Variants in SLC4A4 observed in about 807,000 individuals in gnomAD.
SLC4A4 encodes electrogenic sodium bicarbonate cotransporter 1.
In SLC4A4, 27 loss-of-function variants were observed where a neutral mutation model predicts 111.5. The observed-to-expected ratio is 0.24, with a 90% CI of 0.18 to 0.33. SLC4A4 has a LOEUF of 0.33. Among genes scored for constraint, SLC4A4 ranks in the 10% least tolerant of loss-of-function variants. SLC4A4 has a pLI of 1.00. For synonymous variants in SLC4A4, 443 were observed against 463.4 expected (o/e 0.96, Z 0.57); for missense variants, 909 against 1,315.5 (o/e 0.69, Z 4.78).
At chr4:71,178,766 AC>A in intron 2 of SLC4A4, among the ~76,000 whole-genome samples, 1 of 152,216 alleles carries the variant, frequency 6.6e-6, no homozygotes, top group African/African-American at 2.4e-5. Context: ...GCCAAATTCT[AC>A]CAGAGGTACA....
intron 3 of SLC4A4, among the ~76,000 whole-genome samples, chr4:71,321,400 G>A (rs533338486): frequency 6.6e-6 from 1 of 152,090 alleles, no homozygotes; most frequent in Admixed American, 6.6e-5. Flanking sequence ...TCATTCATAT[G>A]CCATTTCTCA....
intron 6 of SLC4A4, among the ~76,000 whole-genome samples, chr4:71,387,717 C>T (rs1718881691): frequency 6.6e-6 from 1 of 152,130 alleles, no homozygotes; most frequent in South Asian, 2.1e-4. Flanking sequence ...TGGGCTCAAA[C>T]TCCTGACCTC....
At chr4:71,177,017 C>G (rs1354418751) in intron 2 of SLC4A4, among the ~76,000 whole-genome samples, 1 of 152,106 alleles carries the variant, frequency 6.6e-6, no homozygotes, top group Middle Eastern at 3.2e-3. Flanking sequence ...GAGTGGGGGC[C>G]AATATTCAAC....
intron 6 of SLC4A4, among the ~76,000 whole-genome samples, chr4:71,384,315 G>A (rs1384509911): frequency 1.3e-5 from 2 of 152,170 alleles, no homozygotes; most frequent in Non-Finnish European, 2.9e-5. Context: ...TTGGTCTACA[G>A]TGTCTTCAGG....
At chr4:71,082,699 A>G (rs1158415331) in intron 1 of SLC4A4, among the ~76,000 whole-genome samples, 2 of 151,922 alleles carry the variant, frequency 1.3e-5, no homozygotes, top group Non-Finnish European at 2.9e-5. Flanking sequence ...TTTGCTTCAG[A>G]TTTTTTGAAA....
intron 1 of SLC4A4, among the ~76,000 whole-genome samples, chr4:71,195,536 G>GT (rs1560772784): frequency 6.2e-4 from 95 of 152,220 alleles, no homozygotes; most frequent in African/African-American, 2.2e-3. Context: ...AATACAAGGG[G>GT]TAGTTATGGT....
chr4:71,465,126 G>T (rs1727193045), intron 12 of SLC4A4, among the ~76,000 whole-genome samples: 1 of 151,820 alleles, frequency 6.6e-6, no homozygotes, highest in African/African-American at 2.4e-5. Context: ...CAGTCAAGGG[G>T]TCATTTCAAT....
intron 1 of SLC4A4, among the ~76,000 whole-genome samples, chr4:71,086,800 G>A (rs1200254652): frequency 1.3e-5 from 2 of 151,980 alleles, no homozygotes; most frequent in South Asian, 2.1e-4. Flanking sequence ...TGCTGGATTC[G>A]GTTTGCCAGT....
chr4:71,203,384 T>C (rs1400834014), intron 1 of SLC4A4, among the ~76,000 whole-genome samples: 1 of 152,088 alleles, frequency 6.6e-6, no homozygotes, highest in East Asian at 1.9e-4. Flanking sequence ...GATAGTGAAG[T>C]AAAAATAATA....
At chr4:71,241,034 G>A (rs1397794016) in intron 2 of SLC4A4, among the ~76,000 whole-genome samples, 2 of 152,030 alleles carry the variant, frequency 1.3e-5, no homozygotes, top group African/African-American at 4.8e-5. Flanking sequence ...TGGGAGAATC[G>A]TTTGAGCCCA....
rs1172627185 is a variant in SLC4A4, at chr4:71,111,534, T to TTTTTGTTTTTCG, written c.-2+18746_-2+18747insGTTTTTCGTTTT. ...TGCCACCACGCTCAGGTTTTTTTTT[T>TTTTTGTTTTTCG]TTTTTTTTTTTTTTTTTTGTATTTT... On this transcript the variant is annotated intron_variant, in intron 2 of 26. Transcript: ENST00000649996. Among the ~76,000 whole-genome samples the TTTTTGTTTTTCG allele has an allele frequency of 9.9e-3, 1,335 of 135,322 alleles. 35 individuals are homozygous for TTTTTGTTTTTCG. Among genetic ancestry groups the TTTTTGTTTTTCG allele is most frequent in the African/African-American group, 0.036 (1,256 of 35,056 alleles). 88.8% of individuals were successfully genotyped at this position (135,322 alleles called of 152,430 possible). A position where few individuals can be genotyped will look rare whatever the true frequency, so the allele number is the denominator to read the frequency against.
At chr4:71,085,720 T>A (rs964201989) in intron 1 of SLC4A4, among the ~76,000 whole-genome samples, 1 of 152,024 alleles carries the variant, frequency 6.6e-6, no homozygotes, top group African/African-American at 2.4e-5. Flanking sequence ...AGTTGTAGAT[T>A]TGCGGCATTA....
chr4:71,534,586 GAA>G (rs71673479), intron 18 of SLC4A4, among the ~76,000 whole-genome samples, 198 bp downstream of exon 18: 61 of 139,412 alleles, frequency 4.4e-4, no homozygotes, highest in African/African-American at 1.3e-3. Flanking sequence ...ATTTAAATCT[GAA>G]AAAAAAAAAA....
At chr4:71,190,550 C>A (rs551054723) in intron 1 of SLC4A4, among the ~76,000 whole-genome samples, 16 of 152,242 alleles carry the variant, frequency 1.1e-4, no homozygotes, top group African/African-American at 3.9e-4. Context: ...AGTGCAATGA[C>A]ATTTCTAACA....
intron 2 of SLC4A4, among the ~76,000 whole-genome samples, chr4:71,172,647 C>G (rs554793593): frequency 6.6e-6 from 1 of 152,318 alleles, no homozygotes; most frequent in South Asian, 2.1e-4. Flanking sequence ...GATATGTTGG[C>G]CTTTGCCACT....
intron 2 of SLC4A4, among the ~76,000 whole-genome samples, chr4:71,121,924 T>TGGGAGGAATGAACAACTCCGGAC (rs1046417045): frequency 1.3e-5 from 2 of 152,122 alleles, no homozygotes; most frequent in East Asian, 1.9e-4. Context: ...AGGAACCCAC[T>TGGGAGGAATGAACAACTCCGGAC]GGGAGGAATG....
intron 16 of SLC4A4, among the ~76,000 whole-genome samples, chr4:71,505,871 G>A (rs1731370165): frequency 6.6e-6 from 1 of 152,022 alleles, no homozygotes; most frequent in African/African-American, 2.4e-5. Context: ...TTTTGTATAT[G>A]GTATAAGGAA....
chr4:71,068,052 T>C (rs1431966245), intron 1 of SLC4A4, among the ~76,000 whole-genome samples: 1 of 145,366 alleles, frequency 6.9e-6, no homozygotes, highest in East Asian at 2.1e-4. Flanking sequence ...TATGGCCTTT[T>C]TGAACAAACG....
upstream of SLC4A4, chr4:71,186,783 G>A: frequency 6.6e-6 from 1 of 152,164 alleles, no homozygotes; most frequent in Non-Finnish European, 1.5e-5. Context: ...CTCCGCCGCG[G>A]CCGCCTTCCG....
Sources: gnomAD v4.1 joint callset for allele counts (sites outside exome capture counted in the v4.1 genomes callset) on GRCh38, gnomAD v4.1.1 for gene constraint, MANE v1.5 for transcripts, NCBI Gene and HGNC (gene_info 2026-07-23, HGNC 2026-07-21) for gene names.